DNAH6: variants seen among roughly 807,000 people sequenced by gnomAD.
DNAH6 encodes the protein axonemal beta dynein heavy chain 6.
A neutral mutation model predicts 491.4 loss-of-function variants in DNAH6; 340 were observed. That is an observed-to-expected ratio of 0.69 (90% CI 0.63 to 0.76). DNAH6 has a LOEUF of 0.76. DNAH6 is among the 30% of genes least tolerant of loss of function. The probability of loss-of-function intolerance (pLI) is 0.00; values close to 1 mark genes in which losing one functional copy is unlikely to be tolerated. For synonymous variants in DNAH6, 1,603 were observed against 1,686.1 expected (o/e 0.95, Z 1.21); for missense variants, 4,443 against 4,972.2 (o/e 0.89, Z 3.20).
intron 45 of DNAH6, among the ~76,000 whole-genome samples, chr2:84,691,303 A>G (rs1212511740): frequency 6.6e-6 from 1 of 152,186 alleles, no homozygotes; most frequent in East Asian, 1.9e-4. Context: ...AGTGACATAT[A>G]AAGTGCAAGA....
chr2:84,732,098 G>A (rs1451282795), intron 61 of DNAH6, among the ~76,000 whole-genome samples: 1 of 152,050 alleles, frequency 6.6e-6, no homozygotes, highest in Admixed American at 6.5e-5. Context: ...AGGGGGTGTG[G>A]GGAGCCTCCA....
At chr2:84,526,513 G>C (rs989823596) in intron 3 of DNAH6, among the ~76,000 whole-genome samples, 2 of 152,046 alleles carry the variant, frequency 1.3e-5, no homozygotes, top group African/African-American at 4.8e-5. Context: ...ACAAAATAAT[G>C]AAAAACTAAA....
chr2:84,473,602 A>G, the DNAH6 span, among the ~76,000 whole-genome samples: 2 of 152,220 alleles, frequency 1.3e-5, no homozygotes, highest in African/African-American at 4.8e-5. Context: ...CGTAAAGTAG[A>G]AAAGAGGTGA....
chr2:84,517,083 C>T (rs1235397097), intron 1 of DNAH6, among the ~76,000 whole-genome samples: 1 of 152,142 alleles, frequency 6.6e-6, no homozygotes, highest in Non-Finnish European at 1.5e-5. Flanking sequence ...TATTGGCCAG[C>T]ACTGATCTAT....
chr2:84,553,284 A>G (rs1444648558), intron 10 of DNAH6, among the ~76,000 whole-genome samples: 1 of 152,176 alleles, frequency 6.6e-6, no homozygotes, highest in African/African-American at 2.4e-5. Flanking sequence ...TACAAAATTT[A>G]AAAGTGTCTA....
At chr2:84,660,316 G>A (rs1691380884) in intron 37 of DNAH6, among the ~76,000 whole-genome samples, 1 of 152,066 alleles carries the variant, frequency 6.6e-6, no homozygotes, top group Non-Finnish European at 1.5e-5. Context: ...ATAGATTTAA[G>A]CATCAAAATC....
intron 63 of DNAH6, among the ~76,000 whole-genome samples, chr2:84,751,887 A>G (rs955571595): frequency 6.6e-6 from 1 of 152,250 alleles, no homozygotes; most frequent in Non-Finnish European, 1.5e-5. Context: ...CGTGATGCTA[A>G]TGCTGCGGAT....
intron 4 of DNAH6, 62 bp from the exon 5 acceptor site, chr2:84,544,171 G>C (rs1263352906): frequency 1.2e-6 from 1 of 840,602 alleles, no homozygotes; most frequent in African/African-American, 1.7e-5. Context: ...AAAAAGCAAT[G>C]CAATTGCTTC....
At chr2:84,701,939 C>G (rs1276817709) in intron 49 of DNAH6, among the ~76,000 whole-genome samples, 1 of 152,166 alleles carries the variant, frequency 6.6e-6, no homozygotes, top group African/African-American at 2.4e-5. Flanking sequence ...TGAGGGCCTT[C>G]TCCTTTTCAA....
intron 60 of DNAH6, among the ~76,000 whole-genome samples, chr2:84,723,560 G>A (rs908266194): frequency 6.6e-5 from 10 of 152,098 alleles, no homozygotes; most frequent in Non-Finnish European, 1.3e-4. Flanking sequence ...CACTATTAGT[G>A]TTTTCTGTTG....
At chr2:84,589,643 C>T (rs572645658) in intron 16 of DNAH6, among the ~76,000 whole-genome samples, 187 of 139,698 alleles carry the variant, frequency 1.3e-3, no homozygotes, top group Middle Eastern at 3.8e-3. Flanking sequence ...GCCCAGGAGG[C>T]GGAGGTTGCG....
chr2:84,602,482 CTTTTTTT>C (rs3029846), intron 18 of DNAH6, among the ~76,000 whole-genome samples: 14 of 32,024 alleles, frequency 4.4e-4, no homozygotes, highest in African/African-American at 2.0e-3. Context: ...TGTTGTGTCC[CTTTTTTT>C]TTTTTTTTTT....
At chr2:84,677,604 G>T (rs112898140) in intron 41 of DNAH6, among the ~76,000 whole-genome samples, 1 of 152,164 alleles carries the variant, frequency 6.6e-6, no homozygotes, top group Non-Finnish European at 1.5e-5. Flanking sequence ...CGCTAAGAAT[G>T]ATAACCTATC....
chr2:84,483,275 T>A, the DNAH6 span, among the ~76,000 whole-genome samples: 1 of 152,086 alleles, frequency 6.6e-6, no homozygotes, highest in African/African-American at 2.4e-5. Flanking sequence ...ATAATTTGTA[T>A]TTTTAAAAAA....
At chr2:84,766,448 T>C (rs1398214212) in intron 64 of DNAH6, among the ~76,000 whole-genome samples, 1 of 152,110 alleles carries the variant, frequency 6.6e-6, no homozygotes, top group East Asian at 1.9e-4. Context: ...GAAAACAAAA[T>C]GGGAATTTCC....
intron 11 of DNAH6, among the ~76,000 whole-genome samples, chr2:84,570,240 T>C (rs1681642770): frequency 6.6e-6 from 1 of 152,212 alleles, no homozygotes. Context: ...GTCTCCCTGG[T>C]GAGAGGTGAA....
chr2:84,579,596 G>T lies in DNAH6; in HGVS notation c.2146G>T (p.Ala716Ser). 6.2e-7 allele frequency: 1 copy of T among 1,613,370 alleles called. No homozygotes were observed. Among genetic ancestry groups the T allele is most frequent in the South Asian group, 1.1e-5 (1 of 90,906 alleles). ...VDAIIFEAQD[A>S]EYKLEFVPTT... ...TGCCATTATCTTTGAGGCACAAGAT[G>T]CAGAGTATAAACTTGAGTTTGTTCC... The change falls in exon 14 of 77, where the codon GCA becomes TCA. Residue 716 changes from alanine (A) to serine (S), a missense_variant. Ala to Ser is a moderately conservative substitution (Grantham distance 99). Around this residue, in one of 3 missense-constraint regions of DNAH6, gnomAD observed 2,977 missense variants for 3,296.6 expected, o/e 0.90. Transcript: ENST00000389394.
chr2:84,663,238 A>T (rs1691716709), intron 37 of DNAH6, among the ~76,000 whole-genome samples: 1 of 152,238 alleles, frequency 6.6e-6, no homozygotes, highest in Non-Finnish European at 1.5e-5. Flanking sequence ...TGGATGGAGA[A>T]TGACTTTGAC....
chr2:84,765,082 G>C (rs555059965), intron 64 of DNAH6, among the ~76,000 whole-genome samples: 4 of 152,008 alleles, frequency 2.6e-5, no homozygotes, highest in Admixed American at 2.0e-4. Context: ...TTACATTTCA[G>C]AAGAACTTAA....
Sources: gnomAD v4.1 joint callset for allele counts (sites outside exome capture counted in the v4.1 genomes callset) on GRCh38, gnomAD v4.1.1 for gene constraint, gnomAD v4.1.1 regional missense constraint, MANE v1.5 for transcripts, NCBI Gene and HGNC (gene_info 2026-07-23, HGNC 2026-07-21) for gene names.